EYS: variants seen among roughly 807,000 people sequenced by gnomAD.
EYS encodes the protein protein eyes shut homolog.
Under a neutral mutation model 282.1 loss-of-function variants are expected in EYS, and 250 were observed. The ratio of observed to expected loss-of-function variants is 0.89; its 90% CI spans 0.80 to 0.98. The LOEUF is 0.98. Ranked by LOEUF, EYS falls within the 50% of genes least tolerant of loss-of-function variation. EYS has a pLI of 0.00. For missense variants in EYS, 4,016 were observed against 3,709.0 expected, an observed-to-expected ratio of 1.08 and a Z score of -2.15; for synonymous variants, 1,355 against 1,282.9, an observed-to-expected ratio of 1.06 and a Z score of -1.20.
intron 30 of EYS, among the ~76,000 whole-genome samples, chr6:64,244,996 G>T (rs1766964830): frequency 9.7e-6 from 1 of 103,370 alleles, no homozygotes; most frequent in African/African-American, 4.0e-5. Context: ...CCCCACGACA[G>T]GCCCGGGTGT....
intron 2 of EYS, among the ~76,000 whole-genome samples, chr6:65,585,180 C>T (rs1765002619): frequency 6.6e-6 from 1 of 151,800 alleles, no homozygotes; most frequent in African/African-American, 2.4e-5. Flanking sequence ...AATATAAATA[C>T]ATGAAATGGA....
At chr6:65,134,530 AG>A (rs1775968791) in intron 12 of EYS, among the ~76,000 whole-genome samples, 1 of 152,072 alleles carries the variant, frequency 6.6e-6, no homozygotes, top group Non-Finnish European at 1.5e-5. Context: ...CTCACTTATA[AG>A]GGGAAGCCAA....
intron 26 of EYS, among the ~76,000 whole-genome samples, chr6:64,518,750 C>T (rs184207450): frequency 7.3e-5 from 11 of 150,494 alleles, no homozygotes; most frequent in Non-Finnish European, 1.3e-4. Flanking sequence ...TGATAGTAAA[C>T]TCTAATGAGC....
intron 36 of EYS, among the ~76,000 whole-genome samples, chr6:63,840,209 A>ATATTATTAT: frequency 1.6e-5 from 1 of 60,628 alleles, no homozygotes; most frequent in South Asian, 7.5e-4. Context: ...CACCATGCCC[A>ATATTATTAT]TCTTATTATT....
chr6:65,267,011 T>C (rs1033457456), intron 12 of EYS, among the ~76,000 whole-genome samples: 16 of 124,686 alleles, frequency 1.3e-4, no homozygotes, highest in African/African-American at 4.9e-4. Context: ...GAGAGAGAGA[T>C]CACACATGTA....
intron 30 of EYS, among the ~76,000 whole-genome samples, chr6:64,253,755 G>GC (rs201367424): frequency 2.0e-5 from 3 of 151,848 alleles, no homozygotes; most frequent in Non-Finnish European, 4.4e-5. Context: ...AGTGCAGGGG[G>GC]GTTTATTCTC....
chr6:64,991,248 AAT>A (rs1771052032), intron 14 of EYS, among the ~76,000 whole-genome samples: 1 of 151,596 alleles, frequency 6.6e-6, no homozygotes, highest in Non-Finnish European at 1.5e-5. Context: ...AGATCTGAGT[AAT>A]ACATTGTAGG....
chr6:65,229,970 T>A (rs1221838732), intron 12 of EYS, among the ~76,000 whole-genome samples: 5 of 151,916 alleles, frequency 3.3e-5, no homozygotes, highest in African/African-American at 1.2e-4. Flanking sequence ...CTTAGGGGAA[T>A]GTTTCTAAAA....
At chr6:64,319,177 C>CT (rs1202829928) in intron 29 of EYS, among the ~76,000 whole-genome samples, 1 of 151,776 alleles carries the variant, frequency 6.6e-6, no homozygotes. Context: ...GATTAGTGTA[C>CT]TTTGAAAACC....
intron 15 of EYS, among the ~76,000 whole-genome samples, chr6:64,944,799 T>C (rs916234007): frequency 2.0e-5 from 3 of 152,088 alleles, no homozygotes; most frequent in Non-Finnish European, 4.4e-5. Context: ...AAAACCGCCC[T>C]ATGGTGGGAG....
intron 22 of EYS, among the ~76,000 whole-genome samples, chr6:64,626,829 G>T (rs1488336164): frequency 6.6e-6 from 1 of 152,094 alleles, no homozygotes; most frequent in African/African-American, 2.4e-5. Flanking sequence ...CTAATACAGA[G>T]ATTATGTTAT....
intron 8 of EYS, among the ~76,000 whole-genome samples, chr6:65,382,584 A>C (rs1765659919): frequency 6.6e-6 from 1 of 151,400 alleles, no homozygotes. Context: ...TTATATGAAA[A>C]GGGGAGTTTA....
chr6:65,313,720 C>T (rs1235410167), intron 11 of EYS, among the ~76,000 whole-genome samples: 1 of 152,206 alleles, frequency 6.6e-6, no homozygotes, highest in East Asian at 1.9e-4. Flanking sequence ...GCCCAGGCCA[C>T]CCCATCTCCT....
At chr6:64,892,959 G>T (rs900460815) in intron 18 of EYS, among the ~76,000 whole-genome samples, 10 of 152,040 alleles carry the variant, frequency 6.6e-5, no homozygotes, top group African/African-American at 2.4e-4. Context: ...ATGCTTGTTG[G>T]TAATGATCTC....
At position 64,311,744 on chromosome 6, in the gene EYS, C is replaced by A. The variant is rs541132563; in HGVS notation, c.6079-4662G>T. Among the ~76,000 whole-genome samples, 1,315 of 152,208 alleles carry A rather than the reference C, an allele frequency of 8.6e-3. 27 individuals carry two copies. Among genetic ancestry groups the A allele is most frequent in the African/African-American group, 0.029 (1,205 of 41,526 alleles). The stretch of plus-strand genomic sequence containing the variant: ...AGCAAGCCAAAGCAGGATGGGGTGT[C>A]AGCTCACCCGGGAAGCACAAGTGGT... On this transcript the variant is annotated intron_variant, in intron 29 of 42. Transcript: ENST00000503581.
At chr6:65,047,367 C>G (rs184723351) in intron 13 of EYS, among the ~76,000 whole-genome samples, 1 of 151,766 alleles carries the variant, frequency 6.6e-6, no homozygotes, top group South Asian at 2.1e-4. Context: ...CACTGTTGAT[C>G]TTGACAAAGT....
chr6:64,198,232 C>G (rs558027676), intron 31 of EYS, among the ~76,000 whole-genome samples: 2 of 150,184 alleles, frequency 1.3e-5, no homozygotes, highest in Non-Finnish European at 3.0e-5. Context: ...TGGTCTAGAT[C>G]TCCTGACCTC....
At chr6:64,196,591 A>G (rs35003734) in intron 31 of EYS, among the ~76,000 whole-genome samples, 46,533 of 151,592 alleles carry the variant, frequency 0.31, 7,215 homozygotes, top group East Asian at 0.5. Context: ...CATGTCCTTT[A>G]TAGGGACATG....
At chr6:64,001,547 CAATT>C (rs1768093956) in intron 33 of EYS, among the ~76,000 whole-genome samples, 2 of 151,872 alleles carry the variant, frequency 1.3e-5, no homozygotes, top group Non-Finnish European at 2.9e-5. Flanking sequence ...TTGGAAAAGA[CAATT>C]TATTTGTAGA....
Sources: allele counts gnomAD v4.1 joint callset (sites outside exome capture counted in the v4.1 genomes callset), GRCh38; gene constraint gnomAD v4.1.1; transcripts MANE v1.5; gene names NCBI Gene and HGNC (gene_info 2026-07-23, HGNC 2026-07-21).